The following PCDHGB4 variants were observed in gnomAD, a reference collection of about 807,000 sequenced individuals.
PCDHGB4 encodes the protein protocadherin gamma subfamily B, 4, also known as protocadherin gamma-B4.
In PCDHGB4, 38 loss-of-function variants were observed where a neutral mutation model predicts 60.5. That is an observed-to-expected ratio of 0.63 (90% CI 0.48 to 0.82). The LOEUF is 0.82. Ranked by LOEUF, PCDHGB4 falls within the 40% of genes least tolerant of loss-of-function variation. The pLI is 0.00. For missense variants in PCDHGB4, 1,109 were observed against 1,209.6 expected, an observed-to-expected ratio of 0.92 and a Z score of 1.23; for synonymous variants, 456 against 509.7, an observed-to-expected ratio of 0.89 and a Z score of 1.42.
At chr5:141,435,800 A>G (rs530461064) in intron 1 of PCDHGB4, among the ~76,000 whole-genome samples, 20 of 152,128 alleles carry the variant, frequency 1.3e-4, no homozygotes, top group Non-Finnish European at 2.6e-4. Flanking sequence ...ATAACGTCCC[A>G]ATTATTTTTT....
intron 1 of PCDHGB4, chr5:141,414,898 G>T: frequency 6.2e-7 from 1 of 1,614,190 alleles, no homozygotes; most frequent in East Asian, 2.2e-5. Context: ...CCCCACAGAC[G>T]GTTCCACAGG....
At chr5:141,408,851 G>A in intron 1 of PCDHGB4, 1 of 1,613,574 alleles carries the variant, frequency 6.2e-7, no homozygotes, top group Non-Finnish European at 8.5e-7. Context: ...TGCCTTGGAC[G>A]GAGGGGACCC....
intron 1 of PCDHGB4, chr5:141,394,247 C>A (rs1414649061): frequency 1.2e-6 from 2 of 1,613,854 alleles, no homozygotes; most frequent in African/African-American, 1.3e-5. Flanking sequence ...CTGCACACGA[C>A]CCCGACAGCC....
intron 1 of PCDHGB4, among the ~76,000 whole-genome samples, chr5:141,453,310 T>C (rs566320120): frequency 6.6e-6 from 1 of 152,044 alleles, no homozygotes; most frequent in South Asian, 2.1e-4. Context: ...TTTATTTATT[T>C]ATTTTAGAGA....
At chr5:141,455,605 T>C (rs930071553) in intron 1 of PCDHGB4, among the ~76,000 whole-genome samples, 2 of 152,098 alleles carry the variant, frequency 1.3e-5, no homozygotes, top group African/African-American at 4.8e-5. Flanking sequence ...TAGGGCGCCA[T>C]GGATGTTCTA....
At chr5:141,471,361 CT>C (rs2099255928) in intron 1 of PCDHGB4, 1 of 151,976 alleles carries the variant, frequency 6.6e-6, no homozygotes, top group Non-Finnish European at 1.5e-5. Flanking sequence ...TCCAAGCCCC[CT>C]ATTTTTATTT....
At position 141,473,311 on chromosome 5, in the gene PCDHGB4, A is replaced by G. The variant is rs139053997; in HGVS notation, c.2398-21496A>G. On this transcript the variant is annotated intron_variant, in intron 1 of 3. Coordinates refer to ENST00000519479, the MANE Select transcript of PCDHGB4 (RefSeq NM_003736.4). ...TCAGTAGCATAAAGATTGCTATATTAATAAGCATTAAGTGCCTGCTGTGCT... is the reference window on the plus strand; with the variant it reads ...TCAGTAGCATAAAGATTGCTATATTGATAAGCATTAAGTGCCTGCTGTGCT... Among the ~76,000 whole-genome samples, 1,321 of 152,342 alleles carry G rather than the reference A, an allele frequency of 8.7e-3. 28 individuals carry two copies. Among genetic ancestry groups the G allele is most frequent in the African/African-American group, 0.03 (1,236 of 41,582 alleles).
intron 2 of PCDHGB4, among the ~76,000 whole-genome samples, chr5:141,500,877 A>AT (rs369345007): frequency 0.053 from 6,532 of 122,188 alleles, 326 homozygotes; most frequent in Admixed American, 0.19. Context: ...TTCATTTACA[A>AT]TTTTTTTTTT....
intron 1 of PCDHGB4, among the ~76,000 whole-genome samples, chr5:141,449,630 T>C (rs1006977026): frequency 6.7e-6 from 1 of 150,024 alleles, no homozygotes; most frequent in South Asian, 2.1e-4. Flanking sequence ...TTTAAAAAGA[T>C]GTATCTATAT....
intron 1 of PCDHGB4, among the ~76,000 whole-genome samples, chr5:141,492,802 G>A (rs1490284966): frequency 6.6e-6 from 1 of 152,234 alleles, no homozygotes; most frequent in Non-Finnish European, 1.5e-5. Flanking sequence ...GCAGGACTGG[G>A]ACTCCAGTGG....
At chr5:141,398,857 C>A in intron 1 of PCDHGB4, 2 of 1,613,918 alleles carry the variant, frequency 1.2e-6, no homozygotes, top group Middle Eastern at 1.6e-4. Flanking sequence ...GGTATTCAAC[C>A]GAGACGTGTA....
In PCDHGB4 at chr5:141,477,070, T is replaced by A; in HGVS notation, c.2398-17737T>A. 6.2e-7 allele frequency: 1 copy of A among 1,613,342 alleles called. No individual in the cohort carries two copies. The highest frequency in any genetic ancestry group is 8.5e-7 in the Non-Finnish European group (1 of 1,179,244). ...TGGACTTCGAGGACACCAAACTCCATGAGATTTACATCCAGGCCAAAGACA... is the reference window on the plus strand; with the variant it reads ...TGGACTTCGAGGACACCAAACTCCAAGAGATTTACATCCAGGCCAAAGACA... On this transcript the variant is annotated intron_variant, in intron 1 of 3. Coordinates refer to ENST00000519479, the MANE Select transcript of PCDHGB4 (RefSeq NM_003736.4). The surrounding 1 kb of genome is among the most constrained non-coding windows in gnomAD (Gnocchi z 4.9).
intron 1 of PCDHGB4, chr5:141,392,777 A>G (rs1226924811): frequency 1.3e-6 from 2 of 1,529,440 alleles, no homozygotes; most frequent in Non-Finnish European, 1.8e-6. Flanking sequence ...ATTTATGCAC[A>G]GTGAAGATTC....
intron 1 of PCDHGB4, among the ~76,000 whole-genome samples, chr5:141,438,216 T>A (rs2097938802): frequency 6.6e-6 from 1 of 152,158 alleles, no homozygotes; most frequent in Non-Finnish European, 1.5e-5. Flanking sequence ...TGGGAAGGGC[T>A]CTGGTTCAGG....
chr5:141,476,596 C>T lies in PCDHGB4; in HGVS notation c.2398-18211C>T. 1 of 1,614,224 alleles carries T rather than the reference C, an allele frequency of 6.2e-7. No homozygotes were observed. Among genetic ancestry groups the T allele is most frequent in the Non-Finnish European group, 8.5e-7 (1 of 1,180,038 alleles). On this transcript the variant is annotated intron_variant, in intron 1 of 3. Coordinates refer to ENST00000519479, the MANE Select transcript of PCDHGB4 (RefSeq NM_003736.4). The surrounding 1 kb of genome is among the most constrained non-coding windows in gnomAD (Gnocchi z 7.6). The stretch of plus-strand genomic sequence containing the variant: ...CGCGCTTTCCGCTCGAGAGCGCGCA[C>T]GATCCCGATGTGGGAAGCAACTCTT...
chr5:141,394,496 G>T (rs779718881), intron 1 of PCDHGB4: 5 of 1,614,118 alleles, frequency 3.1e-6, no homozygotes, highest in Middle Eastern at 1.6e-4. Context: ...ACGCGCCCGA[G>T]ATCCTGTACC....
Position 141,487,390 on chromosome 5 carries a change from G to A in PCDHGB4, c.2398-7417G>A, listed in dbSNP as rs769886634. On this transcript the variant is annotated intron_variant, in intron 1 of 3. Coordinates refer to ENST00000519479, the MANE Select transcript of PCDHGB4 (RefSeq NM_003736.4). The surrounding 1 kb of genome is among the most constrained non-coding windows in gnomAD (Gnocchi z 5.0). The stretch of plus-strand genomic sequence containing the variant: ...GTGCCTGTCTCACCAGATCTCGAAG[G>A]AGGGAGGGGCTTCCCCCTTCCAATG... 1.2e-6 allele frequency: 2 copies of A among 1,614,182 alleles called. No homozygotes were observed. The highest frequency in any genetic ancestry group is 1.3e-5 in the African/African-American group (1 of 75,070).
chr5:141,446,130 CTT>C (rs1191897284), intron 1 of PCDHGB4, among the ~76,000 whole-genome samples: 2 of 152,076 alleles, frequency 1.3e-5, no homozygotes, highest in African/African-American at 4.8e-5. Context: ...TTCAATAAGA[CTT>C]AATAATGGAA....
intron 1 of PCDHGB4, among the ~76,000 whole-genome samples, chr5:141,482,771 A>ACCTAAAATCTCAAACAC (rs1168136626): frequency 4.9e-5 from 7 of 141,414 alleles, no homozygotes; most frequent in African/African-American, 8.5e-5. Flanking sequence ...ATTATCACTG[A>ACCTAAAATCTCAAACAC]ACCTTAAACT....
Sources: gnomAD v4.1 joint callset for allele counts (sites outside exome capture counted in the v4.1 genomes callset) on GRCh38, gnomAD v4.1.1 for gene constraint, Gnocchi (gnomAD v3.1) non-coding constraint, MANE v1.5 for transcripts, NCBI Gene and HGNC (gene_info 2026-07-23, HGNC 2026-07-21) for gene names.